Variants in RARB observed in about 807,000 individuals in gnomAD.
The protein encoded by RARB is retinoic acid receptor beta.
A neutral mutation model predicts 51.9 loss-of-function variants in RARB; 17 were observed. The observed-to-expected ratio is 0.33, with a 90% confidence interval of 0.22 to 0.49. The LOEUF is 0.49. Ranked by LOEUF, RARB falls within the 20% of genes least tolerant of loss-of-function variation. The probability of loss-of-function intolerance (pLI) is 0.99; values close to 1 mark genes in which losing one functional copy is unlikely to be tolerated. For missense variants in RARB, 369 were observed against 550.8 expected (o/e 0.67, Z 3.30); for synonymous variants, 215 against 195.4 (o/e 1.10, Z -0.84).
At chr3:25,127,006 A>T (rs753732552) in intron 3 of RARB, among the ~76,000 whole-genome samples, 2 of 151,984 alleles carry the variant, frequency 1.3e-5, no homozygotes, top group Non-Finnish European at 2.9e-5. Flanking sequence ...TCCACCCCAC[A>T]TTCATCCTGT....
chr3:25,456,681 A>G (rs1195162190), intron 1 of RARB, among the ~76,000 whole-genome samples: 2 of 94,524 alleles, frequency 2.1e-5, no homozygotes, highest in Non-Finnish European at 4.2e-5. Flanking sequence ...ATATATATAT[A>G]TAGAGAGAGA....
intron 5 of RARB, chr3:25,352,215 C>G (rs950540744): frequency 1.1e-4 from 16 of 152,230 alleles, no homozygotes; most frequent in Non-Finnish European, 1.5e-4. Context: ...CCTCCTTTCT[C>G]TCTCTCTTCA....
intron 3 of RARB, among the ~76,000 whole-genome samples, chr3:25,565,925 G>A (rs1230457753): frequency 6.6e-6 from 1 of 152,158 alleles, no homozygotes; most frequent in African/African-American, 2.4e-5. Context: ...GTGGTAAGTG[G>A]TGGAGCTAGC....
At chr3:24,930,227 A>T (rs1229348491) in intron 2 of RARB, among the ~76,000 whole-genome samples, 1 of 152,128 alleles carries the variant, frequency 6.6e-6, no homozygotes. Context: ...TTTAGGCAGA[A>T]TGTAGAGAGC....
intron 2 of RARB, among the ~76,000 whole-genome samples, chr3:25,493,580 G>C (rs1696857740): frequency 6.6e-6 from 1 of 152,176 alleles, no homozygotes; most frequent in Admixed American, 6.5e-5. Context: ...TTCAGATGAG[G>C]TTAGAGTCTT....
intron 5 of RARB, among the ~76,000 whole-genome samples, chr3:25,230,636 C>T (rs1298238278): frequency 6.6e-6 from 1 of 151,804 alleles, no homozygotes; most frequent in East Asian, 1.9e-4. Context: ...ATACACATCA[C>T]CTGGTTTAAT....
chr3:25,534,935 C>T (rs1270795525), intron 3 of RARB, among the ~76,000 whole-genome samples: 1 of 152,124 alleles, frequency 6.6e-6, no homozygotes, highest in Non-Finnish European at 1.5e-5. Context: ...AAGCCCAGAC[C>T]ATATTCTGTA....
intron 5 of RARB, among the ~76,000 whole-genome samples, chr3:25,202,055 G>C (rs184732116): frequency 6.6e-6 from 1 of 152,142 alleles, no homozygotes; most frequent in African/African-American, 2.4e-5. Flanking sequence ...CTGTGAATCT[G>C]TCTGGTCCTG....
chr3:25,237,710 A>G (rs322720), intron 5 of RARB, among the ~76,000 whole-genome samples: 66,848 of 151,916 alleles, frequency 0.44, 16,666 homozygotes, highest in East Asian at 0.69. Context: ...CCAAAAAGAA[A>G]CATCATAAAC....
chr3:25,258,029 A>G (rs1702908975), intron 5 of RARB, among the ~76,000 whole-genome samples: 1 of 152,024 alleles, frequency 6.6e-6, no homozygotes, highest in Admixed American at 6.6e-5. Flanking sequence ...TCTCCCTTAT[A>G]ATGAAGTTAG....
intron 2 of RARB, among the ~76,000 whole-genome samples, chr3:24,987,541 G>T (rs1696819942): frequency 6.6e-6 from 1 of 152,214 alleles, no homozygotes; most frequent in Non-Finnish European, 1.5e-5. Context: ...TTATTCACTT[G>T]CCTTGGGGCA....
intron 2 of RARB, among the ~76,000 whole-genome samples, chr3:24,969,071 C>A (rs1454636423): frequency 6.6e-6 from 1 of 151,832 alleles, no homozygotes; most frequent in Admixed American, 6.6e-5. Flanking sequence ...AATTCTGATA[C>A]AATATTCATT....
At chr3:25,000,899 T>C (rs1435764401) in intron 2 of RARB, among the ~76,000 whole-genome samples, 1 of 152,178 alleles carries the variant, frequency 6.6e-6, no homozygotes, top group African/African-American at 2.4e-5. Context: ...TGTGACTTTT[T>C]CAACAGAAAA....
At chr3:25,528,479 A>C (rs1445839519) in intron 3 of RARB, among the ~76,000 whole-genome samples, 1 of 151,936 alleles carries the variant, frequency 6.6e-6, no homozygotes, top group East Asian at 1.9e-4. Flanking sequence ...TGATTGTTGA[A>C]CTGAGGTAAC....
chr3:25,039,550 T>C (rs987519930), intron 2 of RARB, among the ~76,000 whole-genome samples: 1 of 152,098 alleles, frequency 6.6e-6, no homozygotes, highest in Non-Finnish European at 1.5e-5. Flanking sequence ...CACATTCGAG[T>C]GGGGCATGGG....
At chr3:25,116,236 C>T (rs934176588) in intron 3 of RARB, among the ~76,000 whole-genome samples, 1 of 152,136 alleles carries the variant, frequency 6.6e-6, no homozygotes, top group Non-Finnish European at 1.5e-5. Context: ...CCCAGGAGTC[C>T]CCTTTCCCCT....
chr3:25,501,434 G>GT, intron 3 of RARB, 111 bp downstream of exon 3: 1 of 1,361,542 alleles, frequency 7.3e-7, no homozygotes, highest in Non-Finnish European at 9.9e-7. Context: ...CTTGCCAAGG[G>GT]TAGGTGTGAA....
intron 7 of RARB, among the ~76,000 whole-genome samples, chr3:25,596,115 A>G (rs1701814607): frequency 6.6e-6 from 1 of 152,214 alleles, no homozygotes. Flanking sequence ...GACCCTCTCT[A>G]TCAACATACT....
intron 2 of RARB, among the ~76,000 whole-genome samples, chr3:25,052,700 T>C (rs530692810): frequency 2.0e-4 from 31 of 152,240 alleles, no homozygotes; most frequent in Admixed American, 1.5e-3. Flanking sequence ...CAGGTGAAAA[T>C]AGTAAAGTAG....
Sources: gnomAD v4.1 joint callset for allele counts (sites outside exome capture counted in the v4.1 genomes callset) on GRCh38, gnomAD v4.1.1 for gene constraint, MANE v1.5 for transcripts, NCBI Gene and HGNC (gene_info 2026-07-23, HGNC 2026-07-21) for gene names.